Variants in SLC22A23 observed in about 807,000 individuals in gnomAD.
SLC22A23 encodes the protein ion transporter protein.
A neutral mutation model predicts 61.0 loss-of-function variants in SLC22A23; 26 were observed. The observed-to-expected ratio is 0.43, with a 90% CI of 0.31 to 0.59. The LOEUF (loss-of-function observed/expected upper bound fraction) is 0.59. Ranked by LOEUF, SLC22A23 falls within the 20% of genes least tolerant of loss-of-function variation. The pLI is 0.11. For synonymous variants in SLC22A23, 430 were observed against 413.9 expected, an observed-to-expected ratio of 1.04 and a Z score of -0.47; for missense variants, 796 against 934.7, an observed-to-expected ratio of 0.85 and a Z score of 1.94.
intron 3 of SLC22A23, among the ~76,000 whole-genome samples, chr6:3,353,133 T>G (rs1764876049): frequency 6.6e-6 from 1 of 152,250 alleles, no homozygotes; most frequent in Non-Finnish European, 1.5e-5. Context: ...TAAAATTACA[T>G]GTAAGTATTA....
intron 3 of SLC22A23, among the ~76,000 whole-genome samples, chr6:3,381,054 G>C (rs148347074): frequency 2.2e-3 from 342 of 152,260 alleles, no homozygotes; most frequent in African/African-American, 7.8e-3. Flanking sequence ...GAGATGCCTC[G>C]TATGTGAAGG....
At chr6:3,336,939 G>A (rs983956286) in intron 3 of SLC22A23, among the ~76,000 whole-genome samples, 2 of 151,762 alleles carry the variant, frequency 1.3e-5, no homozygotes, top group African/African-American at 4.8e-5. Context: ...CGTCCCTATA[G>A]CTGAGACTAC....
chr6:3,294,239 T>C (rs1221756348), intron 5 of SLC22A23, among the ~76,000 whole-genome samples: 1 of 149,776 alleles, frequency 6.7e-6, no homozygotes, highest in African/African-American at 2.5e-5. Context: ...TGGCAGTCAC[T>C]GTCCAGTGAC....
chr6:3,287,046 C>T lies in SLC22A23; in HGVS notation c.1359G>A (p.Met453Ile), dbSNP rs761050533. 3 of 1,614,232 alleles carry T rather than the reference C, an allele frequency of 1.9e-6. No homozygotes were observed. Among genetic ancestry groups the T allele is most frequent in the Non-Finnish European group, 2.5e-6 (3 of 1,180,040 alleles). Reference sequence around the variant, plus strand: ...GGAGCGGCACCTTCACCTCGTGGCCCATCATGCTCCTGGCAAAGCAGTGGT... The same window carrying T: ...GGAGCGGCACCTTCACCTCGTGGCCTATCATGCTCCTGGCAAAGCAGTGGT... Reference protein sequence around the residue: ...GIHHCFARSMMGHEVKVPLLE... With the variant: ...GIHHCFARSMIGHEVKVPLLE... The change falls in exon 7 of 10, where the codon ATG becomes ATA. Residue 453 changes from methionine to isoleucine, a missense_variant. Coordinates refer to ENST00000406686, the MANE Select transcript of SLC22A23 (RefSeq NM_015482.2).
chr6:3,452,489 C>T (rs1235814775), intron 1 of SLC22A23, among the ~76,000 whole-genome samples: 1 of 151,636 alleles, frequency 6.6e-6, no homozygotes, highest in Non-Finnish European at 1.5e-5. Flanking sequence ...GTCCCAGCTA[C>T]TCAGGAGGCT....
intron 4 of SLC22A23, among the ~76,000 whole-genome samples, chr6:3,298,913 A>G (rs1015660507): frequency 6.1e-5 from 9 of 147,980 alleles, no homozygotes; most frequent in African/African-American, 2.3e-4. Context: ...CGGAGCTTGC[A>G]GTGAGCCGAG....
chr6:3,358,015 C>G (rs566706445), intron 3 of SLC22A23, among the ~76,000 whole-genome samples: 3 of 152,136 alleles, frequency 2.0e-5, no homozygotes, highest in African/African-American at 7.2e-5. Context: ...GAGAGGCAAC[C>G]AGCTCTTGCA....
At chr6:3,432,559 A>G (rs1453207515) in intron 1 of SLC22A23, among the ~76,000 whole-genome samples, 1 of 152,208 alleles carries the variant, frequency 6.6e-6, no homozygotes, top group African/African-American at 2.4e-5. Context: ...TTTATGCAGA[A>G]CATTTGGGGG....
intron 3 of SLC22A23, among the ~76,000 whole-genome samples, chr6:3,356,658 C>T (rs991464598): frequency 2.6e-5 from 4 of 152,106 alleles, no homozygotes; most frequent in African/African-American, 9.7e-5. Flanking sequence ...TTTGTTGTAA[C>T]CCTGTTGTCT....
intron 4 of SLC22A23, chr6:3,323,117 C>T (rs1054701822): frequency 5.1e-6 from 2 of 392,356 alleles, no homozygotes; most frequent in Middle Eastern, 4.7e-4. Context: ...AGTGTTCCCC[C>T]CGTACTGCCG....
At chr6:3,371,047 T>C (rs1028935239) in intron 3 of SLC22A23, among the ~76,000 whole-genome samples, 2 of 152,230 alleles carry the variant, frequency 1.3e-5, no homozygotes, top group Non-Finnish European at 2.9e-5. Context: ...GTTATTTTGA[T>C]GTTTATCTGG....
At position 3,372,924 on chromosome 6, in the gene SLC22A23, C is replaced by T. The variant is rs1029145475; in HGVS notation, c.913+37264G>A. On this transcript the variant is annotated intron_variant, in intron 3 of 9. Coordinates refer to ENST00000406686, the MANE Select transcript of SLC22A23 (RefSeq NM_015482.2). This position sits in a 1 kb window ranked among gnomAD's most constrained non-coding sequence, Gnocchi z 4.7. Reference sequence around the variant, plus strand: ...CAATTAGCCAAAAGCTTGCCCAGTCCGTGCCTTCAGCCTATGTTATCATGC... The same window carrying T: ...CAATTAGCCAAAAGCTTGCCCAGTCTGTGCCTTCAGCCTATGTTATCATGC... Among the ~76,000 whole-genome samples, 11 of 152,198 alleles carry T rather than the reference C, an allele frequency of 7.2e-5. No homozygotes were observed. Among genetic ancestry groups the T allele is most frequent in the Admixed American group, 3.9e-4 (6 of 15,282 alleles).
intron 3 of SLC22A23, among the ~76,000 whole-genome samples, chr6:3,389,258 A>C (rs1432699450): frequency 7.2e-6 from 1 of 138,380 alleles, no homozygotes; most frequent in Non-Finnish European, 1.6e-5. Context: ...ACAAGAGCAA[A>C]ACTCTGTCTC....
At chr6:3,292,300 A>G (rs892913540) in intron 5 of SLC22A23, among the ~76,000 whole-genome samples, 3 of 152,188 alleles carry the variant, frequency 2.0e-5, no homozygotes, top group African/African-American at 4.8e-5. Context: ...GACACTTCAG[A>G]TGGTTCTAAC....
rs1371989651 is a variant in SLC22A23 at position 3,273,390 on chromosome 6, G to A, written c.1726C>T (p.Leu576=). The A allele has an allele frequency of 6.2e-7, 1 of 1,611,878 alleles. No homozygotes were observed. Among genetic ancestry groups the A allele is most frequent in the Admixed American group, 1.7e-5 (1 of 60,024 alleles). Reference sequence around the variant, plus strand: ...AGCATGCCGAAGCCCGCGCTGGCCAGCACCAGCCCCAGCCCGCCACACCTG... The same window carrying A: ...AGCATGCCGAAGCCCGCGCTGGCCAACACCAGCCCCAGCCCGCCACACCTG... ...VIRCGGLGLV[L]ASAGFGMLTA... Residue 576 remains leucine, a synonymous_variant, in exon 10 of 10, where the codon CTG becomes TTG. Coordinates refer to ENST00000406686, the MANE Select transcript of SLC22A23 (RefSeq NM_015482.2).
chr6:3,269,601 G>A lies in SLC22A23; in HGVS notation c.*3454C>T, dbSNP rs75509775. 5.9e-3 allele frequency: 895 copies of A among 152,956 alleles called. 11 individuals carry two copies. In the Middle Eastern group the frequency reaches 0.065, roughly 11 times the overall value. The allele number at this position is 152,956 out of a possible 1,614,324, so 9.5% of individuals were successfully genotyped here. A position where few individuals can be genotyped will look rare whatever the true frequency, so the allele number is the denominator to read the frequency against. ...TAAGCTTGTGCTATGAACGAGCACC[G>A]TCAGAGAATTCCCACCCACACGTAC... On this transcript the variant is annotated 3_prime_UTR_variant, in exon 10 of 10. Coordinates refer to ENST00000406686, the MANE Select transcript of SLC22A23 (RefSeq NM_015482.2).
intron 1 of SLC22A23, among the ~76,000 whole-genome samples, chr6:3,419,274 C>T (rs1188812518): frequency 1.3e-5 from 2 of 152,132 alleles, no homozygotes; most frequent in East Asian, 1.9e-4. Flanking sequence ...ACATCCCATC[C>T]GTGCTCCATT....
intron 3 of SLC22A23, among the ~76,000 whole-genome samples, chr6:3,384,010 C>T (rs1767122537): frequency 6.6e-6 from 1 of 152,206 alleles, no homozygotes; most frequent in African/African-American, 2.4e-5. Context: ...GAGACCGGTG[C>T]CAGCTCCCGG....
At chr6:3,341,691 C>A (rs1347111907) in intron 3 of SLC22A23, among the ~76,000 whole-genome samples, 1 of 143,680 alleles carries the variant, frequency 7.0e-6, no homozygotes, top group Non-Finnish European at 1.5e-5. Context: ...ACAGAGTTGG[C>A]AGAAAAGAAA....
Sources: allele counts gnomAD v4.1 joint callset (sites outside exome capture counted in the v4.1 genomes callset), GRCh38; gene constraint gnomAD v4.1.1; non-coding constraint Gnocchi (gnomAD v3.1); transcripts MANE v1.5; gene names NCBI Gene and HGNC (gene_info 2026-07-23, HGNC 2026-07-21).